KLHL38: variants seen among roughly 807,000 people sequenced by gnomAD.
KLHL38 encodes the protein kelch like family member 38.
KLHL38 carries 38 observed loss-of-function variants against 39.6 expected under a neutral mutation model. The ratio of observed to expected loss-of-function variants is 0.96; its 90% confidence interval spans 0.74 to 1.26. KLHL38 has a LOEUF of 1.26. KLHL38 is among the 50% of genes most tolerant of loss of function. The pLI, the probability that KLHL38 is intolerant of heterozygous loss-of-function variation, is 0.00. For missense variants in KLHL38, 803 were observed against 748.1 expected (o/e 1.07, Z -0.86); for synonymous variants, 322 against 302.2 (o/e 1.07, Z -0.68).
Position 123,645,400 on chromosome 8 carries a change from G to T in KLHL38, c.*339C>A, listed in dbSNP as rs991557640. The T allele has an allele frequency of 3.5e-6, 1 of 289,234 alleles. No individual in the cohort carries two copies. The highest frequency in any genetic ancestry group is 6.5e-6 in the Non-Finnish European group (1 of 153,740). The allele number at this position is 289,234 out of a possible 1,614,324, so 17.9% of individuals were successfully genotyped here. On this transcript the variant is annotated 3_prime_UTR_variant, in exon 4 of 4. Transcript: ENST00000684634. ...TTCAGTGAGCTGAGATAGCACCACT[G>T]CACTCCAGCCTGGGCTACAGAGTGA...
chr8:123,653,401 C>T (rs966872844), intron 1 of KLHL38, among the ~76,000 whole-genome samples, 185 bp downstream of exon 1: 56 of 152,116 alleles, frequency 3.7e-4, no homozygotes, highest in African/African-American at 1.3e-3. Context: ...GGAGGTGTGG[C>T]CCTCTGGTCA....
In KLHL38 at chr8:123,652,558, G is replaced by C; in HGVS notation, c.369C>G (p.Cys123Trp). The change falls in exon 2 of 4, where the codon TGC becomes TGG. Residue 123 changes from cysteine to tryptophan, a missense_variant. Coordinates refer to ENST00000684634, the MANE Select transcript of KLHL38 (RefSeq NM_001081675.3). The part of the protein sequence containing the change: ...MLQFPKLFEA[C>W]SSYLQSQLAP... ...CCAACTGGCTCTGCAAGTACGAGGA[G>C]CAGGCCTCAAACAGCTTGGGGAACT... The C allele has an allele frequency of 6.2e-7, 1 of 1,614,212 alleles. No individual in the cohort carries two copies. The highest frequency in any genetic ancestry group is 8.5e-7 in the Non-Finnish European group (1 of 1,180,042).
At chr8:123,646,133 C>A in intron 3 of KLHL38, 105 bp from the exon 4 acceptor site, 1 of 1,048,540 alleles carries the variant, frequency 9.5e-7, no homozygotes, top group South Asian at 1.5e-5. Context: ...AAGGCTGAGG[C>A]TGGGGCTCTG....
At position 123,645,786 on chromosome 8, in the gene KLHL38, C is replaced by A. The variant is rs755716771; in HGVS notation, c.1699G>T (p.Ala567Ser). 1 of 1,613,444 alleles carries A rather than the reference C, an allele frequency of 6.2e-7. No homozygotes were observed. Residue 567 changes from alanine (A) to serine (S), a missense_variant, in exon 4 of 4, where the codon GCC (alanine) becomes TCC (serine). Physicochemically the swap from Ala to Ser is moderately conservative, Grantham distance 99. Transcript: ENST00000684634. ...GQLPHKLFDH[A>S]CLTLQCIPRT... ...GGTATGCACTGGAGAGTGAGGCAGG[C>A]ATGGTCAAAGAGCTTGTGCGGCAGC...
In KLHL38 at chr8:123,645,674, G is replaced by A. The variant is rs995408699; in HGVS notation, c.*65C>T. On this transcript the variant is annotated 3_prime_UTR_variant, in exon 4 of 4. Transcript: ENST00000684634. ...CAGCCTTTAAGGGTTAAGCCCTTTGGAGCTGGGTTTGTGTCCCTGGCGACA... is the reference window on the plus strand; with the variant it reads ...CAGCCTTTAAGGGTTAAGCCCTTTGAAGCTGGGTTTGTGTCCCTGGCGACA... The A allele has an allele frequency of 3.8e-6, 6 of 1,566,148 alleles. No individual in the cohort carries two copies. The highest frequency in any genetic ancestry group is 5.2e-6 in the Non-Finnish European group (6 of 1,147,178).
In KLHL38 at chr8:123,651,693, C is replaced by T. The variant is rs192101736; in HGVS notation, c.1234G>A (p.Glu412Lys). 1.1e-4 allele frequency: 179 copies of T among 1,614,192 alleles called. No individual in the cohort carries two copies. In the East Asian group the frequency reaches 3.3e-3, roughly 30 times the overall value. Residue 412 changes from glutamate to lysine, a missense_variant, in exon 2 of 4, where the codon GAG becomes AAG. Physicochemically the swap from Glu to Lys is moderately conservative, Grantham distance 56. Coordinates refer to ENST00000684634, the MANE Select transcript of KLHL38 (RefSeq NM_001081675.3). ...CCCACGGGCATGCTGGCCATACTCT[C>T]CCAGACATTGCAGATGCTGTCATAC... ...ERYDSICNVW[E>K]SMASMPVGVL... is the part of the protein sequence containing the mutation.
At chr8:123,653,190 CCAAA>C (rs1244527925) in intron 1 of KLHL38, among the ~76,000 whole-genome samples, 2 of 152,166 alleles carry the variant, frequency 1.3e-5, no homozygotes, top group East Asian at 1.9e-4. Flanking sequence ...AGAGAAACAA[CCAAA>C]CAAACAAACT....
chr8:123,651,680 C>T lies in KLHL38; in HGVS notation c.1247G>A (p.Ser416Asn). 2 of 1,614,158 alleles carry T rather than the reference C, an allele frequency of 1.2e-6. No homozygotes were observed. The highest frequency in any genetic ancestry group is 1.7e-6 in the Non-Finnish European group (2 of 1,180,022). ...SICNVWESMA[S>N]MPVGVLHPAV... Reference sequence around the variant, plus strand: ...GGGGTGGAGCACCCCCACGGGCATGCTGGCCATACTCTCCCAGACATTGCA... The same window carrying T: ...GGGGTGGAGCACCCCCACGGGCATGTTGGCCATACTCTCCCAGACATTGCA... The change falls in exon 2 of 4, where the codon AGC becomes AAC. Residue 416 changes from serine to asparagine, a missense_variant. Transcript: ENST00000684634.
At chr8:123,646,867 C>T (rs763118214) in intron 3 of KLHL38, 42 bp downstream of exon 3, 56 of 1,394,986 alleles carry the variant, frequency 4.0e-5, no homozygotes, top group Admixed American at 3.4e-4. Flanking sequence ...ATAGAAGGTG[C>T]CAAGTTTGTG....
chr8:123,645,841 G>T lies in KLHL38; in HGVS notation c.1644C>A (p.Pro548=). ...EDSASFDCYD[P]ETDTWTSQGQ... ...CCTGGGATGTCCAGGTGTCCGTCTC[G>T]GGGTCGTAGCAATCGAAGGAGGCGG... Residue 548 remains proline (P), a synonymous_variant, in exon 4 of 4, where the codon CCC becomes CCA. Transcript: ENST00000684634. 5 of 1,613,898 alleles carry T rather than the reference G, an allele frequency of 3.1e-6. No homozygotes were observed. The highest frequency in any genetic ancestry group is 4.2e-6 in the Non-Finnish European group (5 of 1,179,998).
At chr8:123,649,760 G>T (rs899298184) in intron 2 of KLHL38, among the ~76,000 whole-genome samples, 1 of 152,114 alleles carries the variant, frequency 6.6e-6, no homozygotes, top group Non-Finnish European at 1.5e-5. Context: ...GGTTGCTCCC[G>T]GTAGCCTGAG....
At chr8:123,651,167 A>T (rs1812634339) in intron 2 of KLHL38, among the ~76,000 whole-genome samples, 1 of 152,098 alleles carries the variant, frequency 6.6e-6, no homozygotes, top group African/African-American at 2.4e-5. Context: ...TGCAAATAAC[A>T]AGTGTTGGTA....
At chr8:123,646,624 T>C (rs1472062826) in intron 3 of KLHL38, among the ~76,000 whole-genome samples, 1 of 152,214 alleles carries the variant, frequency 6.6e-6, no homozygotes, top group Non-Finnish European at 1.5e-5. Flanking sequence ...ATGTTTTATT[T>C]ACCGTGTATC....
Position 123,651,914 on chromosome 8 carries a change from C to T in KLHL38, c.1013G>A (p.Gly338Glu), listed in dbSNP as rs757071306. 3 of 1,614,234 alleles carry T rather than the reference C, an allele frequency of 1.9e-6. No homozygotes were observed. The highest frequency in any genetic ancestry group is 2.5e-6 in the Non-Finnish European group (3 of 1,180,044). ...ITLHRSIYVL[G>E]GMAVSSGRSL... ...CCTCCCTGAGCTGACAGCCATGCCC[C>T]CCAGCACATAGATGCTGCGGTGCAA... is the stretch of plus-strand genomic sequence containing the variant. The change falls in exon 2 of 4, where the codon GGG becomes GAG. Residue 338 changes from glycine to glutamate, a missense_variant. Coordinates refer to ENST00000684634, the MANE Select transcript of KLHL38 (RefSeq NM_001081675.3).
In KLHL38 at chr8:123,653,586, C is replaced by T. The variant is rs1409714560; in HGVS notation, c.-2G>A. Among the ~76,000 whole-genome samples the T allele has an allele frequency of 6.6e-6, 1 of 152,214 alleles. No homozygotes were observed. The highest frequency in any genetic ancestry group is 1.5e-5 in the Non-Finnish European group (1 of 68,046). ...AGAAATAAGTATGAGGGACACTTAC[C>T]TTGTTTTGCTGCGGTGACATCCACT... On this transcript the variant is annotated splice_region_variant and 5_prime_UTR_variant, in exon 1 of 4. Transcript: ENST00000684634.
chr8:123,651,123 C>T (rs1358099393), intron 2 of KLHL38, among the ~76,000 whole-genome samples: 1 of 152,084 alleles, frequency 6.6e-6, no homozygotes, highest in Non-Finnish European at 1.5e-5. Context: ...GCTGAAAATC[C>T]TTCTTCCCTC....
intron 2 of KLHL38, among the ~76,000 whole-genome samples, chr8:123,649,408 G>GA (rs1269212827): frequency 5.3e-5 from 8 of 152,034 alleles, no homozygotes; most frequent in African/African-American, 1.2e-4. Flanking sequence ...GTGAAGGCAA[G>GA]AAAAAAATCT....
At chr8:123,649,957 C>T (rs899456868) in intron 2 of KLHL38, among the ~76,000 whole-genome samples, 4 of 152,144 alleles carry the variant, frequency 2.6e-5, no homozygotes, top group African/African-American at 9.7e-5. Flanking sequence ...CAGGACCACT[C>T]CCCCTCCCTC....
rs1349263411 is a variant in KLHL38, at chr8:123,645,178, C to T, written c.*561G>A. Among the ~76,000 whole-genome samples the T allele has an allele frequency of 1.3e-5, 2 of 151,982 alleles. No individual in the cohort carries two copies. Among genetic ancestry groups the T allele is most frequent in the African/African-American group, 4.8e-5 (2 of 41,386 alleles). ...GACAGGCCAGGCGTGGTGGCTCACG[C>T]CTGTAATCTCAGCATTTGGGAGGCT... On this transcript the variant is annotated 3_prime_UTR_variant, in exon 4 of 4. Coordinates refer to ENST00000684634, the MANE Select transcript of KLHL38 (RefSeq NM_001081675.3).
Sources: gnomAD v4.1 joint callset for allele counts (sites outside exome capture counted in the v4.1 genomes callset) on GRCh38, gnomAD v4.1.1 for gene constraint, MANE v1.5 for transcripts, NCBI Gene and HGNC (gene_info 2026-07-23, HGNC 2026-07-21) for gene names.